Variants in CCDC178 observed in about 807,000 individuals in gnomAD.
CCDC178 encodes coiled-coil domain containing 178, also known as coiled-coil domain-containing protein 178.
A neutral mutation model predicts 117.4 loss-of-function variants in CCDC178; 126 were observed. The observed-to-expected ratio is 1.07, with a 90% CI of 0.93 to 1.24. CCDC178 has a LOEUF of 1.24. Ranked by LOEUF, CCDC178 falls within the 50% of genes most tolerant of loss-of-function variation. The probability of loss-of-function intolerance (pLI) is 0.00; values close to 1 mark genes in which losing one functional copy is unlikely to be tolerated. For synonymous variants in CCDC178, 283 were observed against 313.4 expected, an observed-to-expected ratio of 0.90 and a Z score of 1.02; for missense variants, 1,030 against 986.9, an observed-to-expected ratio of 1.04 and a Z score of -0.59.
At chr18:33,320,710 A>G (rs1326476511) in intron 11 of CCDC178, among the ~76,000 whole-genome samples, 2 of 152,192 alleles carry the variant, frequency 1.3e-5, no homozygotes, top group Admixed American at 6.5e-5. Flanking sequence ...GCTACCAATG[A>G]CTTTCTTCAC....
chr18:33,020,118 T>G (rs1175267043), intron 21 of CCDC178, among the ~76,000 whole-genome samples: 2 of 138,266 alleles, frequency 1.4e-5, no homozygotes, highest in East Asian at 4.3e-4. Context: ...GATAATTGGT[T>G]TTTTTTTTTT....
At chr18:33,220,800 C>T (rs988801578) in intron 18 of CCDC178, among the ~76,000 whole-genome samples, 8 of 152,066 alleles carry the variant, frequency 5.3e-5, no homozygotes, top group Non-Finnish European at 1.0e-4. Flanking sequence ...AATACCCATG[C>T]TGGGAAAATG....
At chr18:33,286,425 C>T (rs1346775055) in intron 12 of CCDC178, among the ~76,000 whole-genome samples, 1 of 152,284 alleles carries the variant, frequency 6.6e-6, no homozygotes. Context: ...GTTAGAAAAT[C>T]ACTCAGCTTC....
chr18:33,333,504 T>TA, intron 9 of CCDC178, 110 bp from the exon 10 acceptor site: 4 of 344,210 alleles, frequency 1.2e-5, no homozygotes, highest in Non-Finnish European at 2.1e-5. Flanking sequence ...TGAATCTTAC[T>TA]ACTTTTTTTT....
At chr18:33,417,243 T>C (rs1459972878) in intron 2 of CCDC178, among the ~76,000 whole-genome samples, 2 of 152,248 alleles carry the variant, frequency 1.3e-5, no homozygotes, top group African/African-American at 4.8e-5. Context: ...ATCCATACAA[T>C]GGAATACAAT....
chr18:33,270,305 G>A (rs2144781262), intron 12 of CCDC178, among the ~76,000 whole-genome samples: 1 of 151,544 alleles, frequency 6.6e-6, no homozygotes, highest in Admixed American at 6.6e-5. Context: ...AAAAGAGAGG[G>A]GGGAGGCAAA....
At chr18:33,119,022 T>C (rs1204914549) in intron 20 of CCDC178, among the ~76,000 whole-genome samples, 4 of 152,092 alleles carry the variant, frequency 2.6e-5, no homozygotes, top group South Asian at 4.1e-4. Context: ...CCTTACACCT[T>C]ATACAAAAAT....
At chr18:33,254,857 T>C (rs1042413467) in intron 14 of CCDC178, among the ~76,000 whole-genome samples, 11 of 152,074 alleles carry the variant, frequency 7.2e-5, no homozygotes, top group African/African-American at 2.4e-4. Context: ...AACATAAGGA[T>C]TGCTAGGGTT....
At chr18:33,099,231 T>C (rs573158270) in intron 20 of CCDC178, among the ~76,000 whole-genome samples, 12 of 152,182 alleles carry the variant, frequency 7.9e-5, no homozygotes, top group South Asian at 2.1e-4. Context: ...TATCAATGCA[T>C]AGCATTACAA....
chr18:33,201,261 G>C (rs971820857), intron 20 of CCDC178, among the ~76,000 whole-genome samples: 3 of 152,108 alleles, frequency 2.0e-5, no homozygotes, highest in Non-Finnish European at 4.4e-5. Flanking sequence ...GTATTTAAAA[G>C]TTGCAAACAA....
At chr18:33,300,322 G>GTC (rs1485500386) in intron 11 of CCDC178, among the ~76,000 whole-genome samples, 1 of 152,120 alleles carries the variant, frequency 6.6e-6, no homozygotes, top group Admixed American at 6.5e-5. Context: ...CCAGTCTCAG[G>GTC]TATTTCTTTA....
At chr18:33,287,272 A>T (rs900871466) in intron 12 of CCDC178, among the ~76,000 whole-genome samples, 1 of 152,234 alleles carries the variant, frequency 6.6e-6, no homozygotes, top group African/African-American at 2.4e-5. Flanking sequence ...ATGCATGGCA[A>T]TAATGCACAT....
chr18:33,279,401 A>T (rs1301186991), intron 12 of CCDC178, among the ~76,000 whole-genome samples: 136 of 145,350 alleles, frequency 9.4e-4, no homozygotes, highest in South Asian at 1.5e-3. Context: ...CTTACAAGGG[A>T]CGTGAAGGAC....
intron 12 of CCDC178, among the ~76,000 whole-genome samples, chr18:33,284,490 A>G (rs1328024553): frequency 6.6e-6 from 1 of 152,218 alleles, no homozygotes; most frequent in Admixed American, 6.5e-5. Context: ...GCCATCAATT[A>G]CTGTATGCAT....
intron 6 of CCDC178, among the ~76,000 whole-genome samples, chr18:33,359,582 C>A (rs2063099745): frequency 6.6e-6 from 1 of 151,584 alleles, no homozygotes; most frequent in African/African-American, 2.4e-5. Context: ...ATCAAAGTCA[C>A]TTTAAATCAT....
intron 3 of CCDC178, among the ~76,000 whole-genome samples, chr18:33,409,117 G>C (rs2063818417): frequency 6.6e-6 from 1 of 152,104 alleles, no homozygotes; most frequent in Non-Finnish European, 1.5e-5. Flanking sequence ...TGTTTTTTGA[G>C]ACAGGGTCTT....
At chr18:33,055,902 C>T (rs568336428) in intron 21 of CCDC178, among the ~76,000 whole-genome samples, 74 of 151,688 alleles carry the variant, frequency 4.9e-4, no homozygotes, top group Non-Finnish European at 8.8e-4. Context: ...CCTCTGGGTT[C>T]AAGTGATTCT....
intron 21 of CCDC178, among the ~76,000 whole-genome samples, chr18:33,005,123 C>A (rs1366928651): frequency 6.6e-6 from 1 of 151,928 alleles, no homozygotes; most frequent in South Asian, 2.1e-4. Context: ...GATATATACC[C>A]GAAAGAAAGA....
At chr18:33,165,730 G>T (rs1164044830) in intron 20 of CCDC178, among the ~76,000 whole-genome samples, 1 of 152,008 alleles carries the variant, frequency 6.6e-6, no homozygotes, top group South Asian at 2.1e-4. Context: ...TAAAAAAAAG[G>T]CTAGTTCAAT....
Sources: gnomAD v4.1 joint callset for allele counts (sites outside exome capture counted in the v4.1 genomes callset) on GRCh38, gnomAD v4.1.1 for gene constraint, MANE v1.5 for transcripts, NCBI Gene and HGNC (gene_info 2026-07-23, HGNC 2026-07-21) for gene names.